RASGRF1: variants seen among roughly 807,000 people sequenced by gnomAD.
The protein encoded by RASGRF1 is ras-specific guanine nucleotide-releasing factor 1.
Under a neutral mutation model 138.7 loss-of-function variants are expected in RASGRF1, and 40 were observed. That is an observed-to-expected ratio of 0.29 (90% confidence interval 0.22 to 0.38). The LOEUF is 0.38. Among genes scored for constraint, RASGRF1 ranks in the 10% least tolerant of loss-of-function variants. The pLI is 1.00. For missense variants in RASGRF1, 1,108 were observed against 1,650.4 expected, an observed-to-expected ratio of 0.67 and a Z score of 5.69; for synonymous variants, 614 against 663.2, an observed-to-expected ratio of 0.93 and a Z score of 1.14.
intron 13 of RASGRF1, among the ~76,000 whole-genome samples, chr15:79,011,571 G>T (rs2056795590): frequency 6.6e-6 from 1 of 152,172 alleles, no homozygotes; most frequent in South Asian, 2.1e-4. Context: ...GAAAGGTGTA[G>T]CTGTTCTCCA....
At position 78,960,070 on chromosome 15, in the gene RASGRF1, A is replaced by T. The variant is rs2055519625; in HGVS notation, c.*2074T>A. The T allele has an allele frequency of 6.6e-6, 1 of 152,226 alleles. No individual in the cohort carries two copies. Among genetic ancestry groups the T allele is most frequent in the South Asian group, 2.1e-4 (1 of 4,828 alleles). 9.4% of individuals were successfully genotyped at this position (152,226 alleles called of 1,614,324 possible). A position where few individuals can be genotyped will look rare whatever the true frequency, so the allele number is the denominator to read the frequency against. On this transcript the variant is annotated 3_prime_UTR_variant, in exon 27 of 27. Coordinates refer to ENST00000558480, the MANE Select transcript of RASGRF1 (RefSeq NM_001145648.3). ...CTTGGCTGAGCTCATGAAGCAGGTA[A>T]AGCTGGCAATCAAAATCAGCTGGCA...
chr15:79,046,646 G>C lies in RASGRF1; in HGVS notation c.878+100C>G. The stretch of plus-strand genomic sequence containing the variant: ...CTTCTGTCCTCTCTGGGCCTCATCT[G>C]CACTCGGTGGGAACCACGTGAGAGA... On this transcript the variant is annotated intron_variant, in intron 5 of 26. Transcript: ENST00000558480. The surrounding 1 kb of genome is among the most constrained non-coding windows in gnomAD (Gnocchi z 5.3). 6.5e-7 allele frequency: 1 copy of C among 1,546,644 alleles called. No individual in the cohort carries two copies. Among genetic ancestry groups the C allele is most frequent in the Non-Finnish European group, 8.8e-7 (1 of 1,135,294 alleles).
At chr15:78,979,058 T>TG (rs764244267) in intron 24 of RASGRF1, 1 of 1,289,654 alleles carries the variant, frequency 7.8e-7, no homozygotes, top group African/African-American at 1.5e-5. Flanking sequence ...TGTGAGGAGG[T>TG]GGATGGAGTG....
Position 79,079,578 on chromosome 15 carries a change from C to T in RASGRF1, c.276+10645G>A, listed in dbSNP as rs1343046424. On this transcript the variant is annotated intron_variant, in intron 1 of 26. Coordinates refer to ENST00000558480, the MANE Select transcript of RASGRF1 (RefSeq NM_001145648.3). ...ACAAAATAGTGAGAAAAACATGGTG[C>T]AGACTGTGTTACCATTTATATAATT... is the stretch of plus-strand genomic sequence containing the variant. Among the ~76,000 whole-genome samples the T allele has an allele frequency of 2.6e-5, 4 of 152,082 alleles. No homozygotes were observed. In the East Asian group the frequency reaches 5.8e-4, roughly 22 times the overall value.
intron 26 of RASGRF1, among the ~76,000 whole-genome samples, chr15:78,969,241 A>T (rs1435643558): frequency 6.6e-6 from 1 of 152,218 alleles, no homozygotes; most frequent in Non-Finnish European, 1.5e-5. Flanking sequence ...ATTTACTAGC[A>T]CACCACTGAG....
intron 7 of RASGRF1, 96 bp from the exon 8 acceptor site, chr15:79,031,605 A>C: frequency 3.1e-6 from 1 of 323,002 alleles, no homozygotes; most frequent in African/African-American, 2.3e-5. Context: ...CAAGAGAGAG[A>C]GAGAAAGAGG....
At chr15:78,992,952 T>G (rs1675593714) in intron 20 of RASGRF1, among the ~76,000 whole-genome samples, 1 of 150,582 alleles carries the variant, frequency 6.6e-6, no homozygotes, top group Admixed American at 6.6e-5. Flanking sequence ...CCAGCCTAAG[T>G]GGTTCCAAGT....
At chr15:79,060,447 C>T (rs1016847682) in intron 2 of RASGRF1, among the ~76,000 whole-genome samples, 1 of 152,222 alleles carries the variant, frequency 6.6e-6, no homozygotes, top group African/African-American at 2.4e-5. Context: ...TGATCACCAG[C>T]TGCTCCTTTA....
In RASGRF1 at chr15:78,990,129, C is replaced by T. The variant is rs993214983; in HGVS notation, c.3216+60G>A. ...GTGTATAGCCCGTTCTCTACCCAGCCTCTTGAGCGTCTTGCCAAAGAAAAA... is the reference window on the plus strand; with the variant it reads ...GTGTATAGCCCGTTCTCTACCCAGCTTCTTGAGCGTCTTGCCAAAGAAAAA... On this transcript the variant is annotated intron_variant, in intron 22 of 26. Coordinates refer to ENST00000558480, the MANE Select transcript of RASGRF1 (RefSeq NM_001145648.3). 11 of 1,339,744 alleles carry T rather than the reference C, an allele frequency of 8.2e-6. No homozygotes were observed. In the African/African-American group the frequency reaches 1.4e-4, roughly 18 times the overall value. The allele number at this position is 1,339,744 out of a possible 1,614,324, so 83.0% of individuals were successfully genotyped here.
At chr15:79,067,606 C>T (rs1465943702) in intron 1 of RASGRF1, among the ~76,000 whole-genome samples, 1 of 152,088 alleles carries the variant, frequency 6.6e-6, no homozygotes, top group Non-Finnish European at 1.5e-5. Context: ...TAAACCTGCC[C>T]CCTGACATCT....
Position 79,046,709 on chromosome 15 carries a change from C to T in RASGRF1, c.878+37G>A, listed in dbSNP as rs771240913. 2.5e-6 allele frequency: 4 copies of T among 1,608,488 alleles called. No homozygotes were observed. The highest frequency in any genetic ancestry group is 1.7e-5 in the Admixed American group (1 of 59,960). On this transcript the variant is annotated intron_variant, in intron 5 of 26. Transcript: ENST00000558480. This position sits in a 1 kb window ranked among gnomAD's most constrained non-coding sequence, Gnocchi z 5.3. ...TTAGCTGCGGCCAATGCTCACTAGTCTCCTTCCTGCCTTGGCCAACCTTTA... is the reference window on the plus strand; with the variant it reads ...TTAGCTGCGGCCAATGCTCACTAGTTTCCTTCCTGCCTTGGCCAACCTTTA...
intron 2 of RASGRF1, among the ~76,000 whole-genome samples, chr15:79,063,915 G>A (rs1188902008): frequency 6.6e-6 from 1 of 152,158 alleles, no homozygotes; most frequent in Admixed American, 6.5e-5. Context: ...CTGGCCCAGG[G>A]AGTCTCCCTA....
rs1440086096 is a variant in RASGRF1 at position 79,073,011 on chromosome 15, G to A, written c.277-8485C>T. Among the ~76,000 whole-genome samples, 1 of 152,110 alleles carries A rather than the reference G, an allele frequency of 6.6e-6. No individual in the cohort carries two copies. The highest frequency in any genetic ancestry group is 1.5e-5 in the Non-Finnish European group (1 of 68,028). On this transcript the variant is annotated intron_variant, in intron 1 of 26. Coordinates refer to ENST00000558480, the MANE Select transcript of RASGRF1 (RefSeq NM_001145648.3). This position sits in a 1 kb window ranked among gnomAD's most constrained non-coding sequence, Gnocchi z 4.2. The stretch of plus-strand genomic sequence containing the variant: ...CTGGATCCCGGTTGGATTCCTCTGC[G>A]GAACAGCAGCATTGTTCTGGAGTCA...
intron 13 of RASGRF1, among the ~76,000 whole-genome samples, chr15:79,009,687 G>A (rs567928684): frequency 2.0e-5 from 3 of 151,864 alleles, no homozygotes; most frequent in Admixed American, 1.3e-4. Context: ...CACAATCACT[G>A]TTGGTTCCAG....
rs79131847 is a variant in RASGRF1 at position 79,023,788 on chromosome 15, C to G, written c.1542+1526G>C. Among the ~76,000 whole-genome samples, 1,373 of 152,204 alleles carry G rather than the reference C, an allele frequency of 9.0e-3. 14 individuals carry two copies. Among genetic ancestry groups the G allele is most frequent in the African/African-American group, 0.032 (1,338 of 41,508 alleles). On this transcript the variant is annotated intron_variant, in intron 10 of 26. Transcript: ENST00000558480. ...TCTCCTGTGCTGGAGGAGGGGACAC[C>G]TGAGAAGGTCACTGGAAGGGGCTCT... is the stretch of plus-strand genomic sequence containing the variant.
At chr15:78,964,008 G>A (rs1450913532) in intron 26 of RASGRF1, among the ~76,000 whole-genome samples, 1 of 152,062 alleles carries the variant, frequency 6.6e-6, no homozygotes, top group Non-Finnish European at 1.5e-5. Flanking sequence ...AATTTTAGTA[G>A]AGACGGGGTT....
At chr15:79,087,860 G>A (rs2058003110) in intron 1 of RASGRF1, among the ~76,000 whole-genome samples, 1 of 152,196 alleles carries the variant, frequency 6.6e-6, no homozygotes, top group Non-Finnish European at 1.5e-5. Flanking sequence ...ATTTAAGTAT[G>A]AGTCTTTAAC....
intron 3 of RASGRF1, among the ~76,000 whole-genome samples, chr15:79,054,858 T>C (rs550629952): frequency 1.3e-5 from 2 of 152,220 alleles, no homozygotes; most frequent in South Asian, 2.1e-4. Flanking sequence ...AGTGCAGTGA[T>C]AGATCAGGAG....
chr15:78,962,252 A>G lies in RASGRF1; in HGVS notation c.3682-16T>C, dbSNP rs1030113180. On this transcript the variant is annotated splice_polypyrimidine_tract_variant and intron_variant, in intron 26 of 26. Transcript: ENST00000558480. ...ATTGCGTTACCTGAGAAAAGAAAAG[A>G]GAAAAGGGAATGGGAGGGTTGTGGG... The G allele has an allele frequency of 6.0e-6, 9 of 1,492,572 alleles. No homozygotes were observed. The highest frequency in any genetic ancestry group is 8.3e-6 in the Non-Finnish European group (9 of 1,089,186). The allele number at this position is 1,492,572 out of a possible 1,614,324, so 92.5% of individuals were successfully genotyped here. A position where few individuals can be genotyped will look rare whatever the true frequency, so the allele number is the denominator to read the frequency against.
Sources: allele counts gnomAD v4.1 joint callset (sites outside exome capture counted in the v4.1 genomes callset), GRCh38; gene constraint gnomAD v4.1.1; non-coding constraint Gnocchi (gnomAD v3.1); transcripts MANE v1.5; gene names NCBI Gene and HGNC (gene_info 2026-07-23, HGNC 2026-07-21).